The following FAT4 variants were observed in gnomAD, a reference collection of about 807,000 sequenced individuals.
The protein encoded by FAT4 is FAT atypical cadherin 4, also known as protocadherin Fat 4.
Under a neutral mutation model 303.9 loss-of-function variants are expected in FAT4, and 84 were observed. That is an observed-to-expected ratio of 0.28 (90% confidence interval 0.23 to 0.33). The LOEUF (loss-of-function observed/expected upper bound fraction) is 0.33, where lower values mean the gene tolerates loss of function less well. Among genes scored for constraint, FAT4 ranks in the 10% least tolerant of loss-of-function variants. The pLI, the probability that FAT4 is intolerant of heterozygous loss-of-function variation, is 1.00. For missense variants in FAT4, 6,005 were observed against 6,146.8 expected (o/e 0.98, Z 0.77); for synonymous variants, 2,307 against 2,298.8 (o/e 1.00, Z -0.10).
At chr4:125,470,994 T>C (rs1367555895) in intron 12 of FAT4, among the ~76,000 whole-genome samples, 1 of 152,208 alleles carries the variant, frequency 6.6e-6, no homozygotes, top group Non-Finnish European at 1.5e-5. Flanking sequence ...TCCTTTCACT[T>C]GAGCACTTAG....
chr4:125,479,360 A>G (rs1727142830), intron 14 of FAT4, among the ~76,000 whole-genome samples: 1 of 152,178 alleles, frequency 6.6e-6, no homozygotes, highest in Non-Finnish European at 1.5e-5. Flanking sequence ...TATGGTAGGC[A>G]TTCAATAAAC....
At chr4:125,351,523 G>C (rs1732224941) in intron 2 of FAT4, among the ~76,000 whole-genome samples, 1 of 151,662 alleles carries the variant, frequency 6.6e-6, no homozygotes, top group Non-Finnish European at 1.5e-5. Flanking sequence ...CAGCCTGTCT[G>C]CAAAACTGAG....
At chr4:125,332,918 G>A (rs1322487432) in intron 2 of FAT4, among the ~76,000 whole-genome samples, 1 of 151,804 alleles carries the variant, frequency 6.6e-6, no homozygotes, top group Non-Finnish European at 1.5e-5. Context: ...CAAAGAAGAT[G>A]GGCTTTCTTC....
intron 2 of FAT4, among the ~76,000 whole-genome samples, chr4:125,372,424 A>C (rs1475429121): frequency 6.6e-6 from 1 of 151,724 alleles, no homozygotes; most frequent in African/African-American, 2.4e-5. Flanking sequence ...CACTAATAAC[A>C]AAAAAAATAG....
In FAT4 at chr4:125,317,355, C is replaced by G. The variant is rs772248214; in HGVS notation, c.944C>G (p.Ala315Gly). 1.2e-6 allele frequency: 2 copies of G among 1,612,794 alleles called. No individual in the cohort carries two copies. Among genetic ancestry groups the G allele is most frequent in the Non-Finnish European group, 1.7e-6 (2 of 1,179,664 alleles). Residue 315 changes from alanine (A) to glycine (G), a missense_variant, in exon 2 of 18, where the codon GCT (alanine) becomes GGT (glycine). Coordinates refer to ENST00000394329, the MANE Select transcript of FAT4 (RefSeq NM_001291303.3). The surrounding 1 kb of genome is among the most constrained non-coding windows in gnomAD (Gnocchi z 7.0). ...ITVREPLDFE[A>G]RRQYSLTVQA... ...GTGCGGGAGCCCCTGGACTTCGAAG[C>G]TCGGCGCCAATACTCGCTTACGGTG...
At position 125,446,394 on chromosome 4, in the gene FAT4, C is replaced by A; in HGVS notation, c.7301C>A (p.Thr2434Asn). 1 of 1,613,450 alleles carries A rather than the reference C, an allele frequency of 6.2e-7. No homozygotes were observed. The highest frequency in any genetic ancestry group is 8.5e-7 in the Non-Finnish European group (1 of 1,179,544). The change falls in exon 9 of 18, where the codon ACT becomes AAT. Residue 2434 changes from threonine (T) to asparagine (N), a missense_variant. Thr to Asn is a moderately conservative substitution (Grantham distance 65). Coordinates refer to ENST00000394329, the MANE Select transcript of FAT4 (RefSeq NM_001291303.3). ...GATAGGGAAACAAAAGATAATTATA[C>A]TTTGGTAGTGGTCTGCAGTGATGCG... is the stretch of plus-strand genomic sequence containing the variant. ...LLDRETKDNY[T>N]LVVVCSDAGS...
intron 2 of FAT4, among the ~76,000 whole-genome samples, chr4:125,374,132 G>A (rs929461146): frequency 2.6e-5 from 4 of 152,190 alleles, no homozygotes; most frequent in East Asian, 1.9e-4. Context: ...ACAGTCTGCC[G>A]GTTCTAAAGT....
chr4:125,356,537 G>GTTTTTT (rs1432744389), intron 2 of FAT4, among the ~76,000 whole-genome samples: 1 of 118,730 alleles, frequency 8.4e-6, no homozygotes, highest in African/African-American at 3.1e-5. Context: ...GATATAGGGT[G>GTTTTTT]TTTTGTTTTT....
rs201264765 is a variant in FAT4 at position 125,320,053 on chromosome 4, T to C, written c.3642T>C (p.Phe1214=). Residue 1214 remains phenylalanine, a synonymous_variant, in exon 2 of 18, where the codon TTT becomes TTC. Coordinates refer to ENST00000394329, the MANE Select transcript of FAT4 (RefSeq NM_001291303.3). The part of the protein sequence containing the change: ...NDNAPKFLKD[F]YQATISESAA... ...ATGCTCCCAAATTTTTAAAAGACTT[T>C]TACCAAGCTACAATATCAGAATCAG... 1.9e-6 allele frequency: 3 copies of C among 1,613,826 alleles called. No individual in the cohort carries two copies. Among genetic ancestry groups the C allele is most frequent in the Admixed American group, 3.3e-5 (2 of 60,020 alleles).
chr4:125,324,398 G>A (rs2125949672), intron 2 of FAT4, among the ~76,000 whole-genome samples: 1 of 152,244 alleles, frequency 6.6e-6, no homozygotes, highest in African/African-American at 2.4e-5. Context: ...CTGATGTATA[G>A]TAGGTGCTCC....
chr4:125,363,485 C>CT (rs942939531), intron 2 of FAT4, among the ~76,000 whole-genome samples: 22 of 151,090 alleles, frequency 1.5e-4, no homozygotes, highest in South Asian at 2.1e-4. Context: ...ATCAATATAG[C>CT]TTTTTTTTAA....
At chr4:125,439,376 A>G (rs1185250218) in intron 8 of FAT4, among the ~76,000 whole-genome samples, 1 of 148,724 alleles carries the variant, frequency 6.7e-6, no homozygotes, top group Non-Finnish European at 1.5e-5. Flanking sequence ...TCTGTCACCC[A>G]GGCTGGCGTG....
chr4:125,468,381 T>C (rs1726739963), intron 11 of FAT4, 131 bp from the exon 12 acceptor site: 1 of 542,260 alleles, frequency 1.8e-6, no homozygotes, highest in South Asian at 5.5e-5. Context: ...TTAGTTTAGA[T>C]GAAATTTTTT....
At chr4:125,476,783 T>C (rs1031318178) in intron 13 of FAT4, among the ~76,000 whole-genome samples, 3 of 152,154 alleles carry the variant, frequency 2.0e-5, no homozygotes, top group African/African-American at 7.2e-5. Context: ...ATCAACTTAC[T>C]GATATTCTTT....
intron 2 of FAT4, among the ~76,000 whole-genome samples, chr4:125,378,148 C>T (rs1733404787): frequency 2.0e-5 from 3 of 152,100 alleles, no homozygotes; most frequent in Admixed American, 6.5e-5. Flanking sequence ...TATGTATGTA[C>T]CAAGTTAGAC....
In FAT4 at chr4:125,316,507, A is replaced by T. The variant is rs1433694939; in HGVS notation, c.96A>T (p.Ser32=). ...SQLLRVFWLL[S]LLPGQAWVHG... ...TCCTTCGAGTGTTTTGGCTACTGTC[A>T]TTGCTTCCGGGGCAGGCCTGGGTCC... The change falls in exon 2 of 18, where the codon TCA becomes TCT. Residue 32 remains serine (S), a synonymous_variant. Transcript: ENST00000394329. This position sits in a 1 kb window ranked among gnomAD's most constrained non-coding sequence, Gnocchi z 5.7. 1.2e-6 allele frequency: 2 copies of T among 1,613,784 alleles called. No individual in the cohort carries two copies. The highest frequency in any genetic ancestry group is 1.1e-5 in the South Asian group (1 of 91,068).
At chr4:125,469,105 CCTAAGTATTTCTGCCTTGA>C (rs1447458538) in intron 12 of FAT4, among the ~76,000 whole-genome samples, 8 of 152,142 alleles carry the variant, frequency 5.3e-5, no homozygotes, top group Non-Finnish European at 7.3e-5. Flanking sequence ...ACCTTTCTTT[CCTAAGTATTTCTGCCTTGA>C]CTAAGTATTT....
chr4:125,479,913 A>G, intron 15 of FAT4, 48 bp downstream of exon 15: 1 of 1,441,270 alleles, frequency 6.9e-7, no homozygotes. Context: ...TAACTATGAA[A>G]AGTAAAATAT....
chr4:125,318,778 C>T lies in FAT4; in HGVS notation c.2367C>T (p.Asn789=). 1 of 1,614,140 alleles carries T rather than the reference C, an allele frequency of 6.2e-7. No individual in the cohort carries two copies. The highest frequency in any genetic ancestry group is 8.5e-7 in the Non-Finnish European group (1 of 1,180,016). ...VTITVLDTQD[N]PPVFSQVAYS... ...TCACTGTATTGGACACTCAAGACAA[C>T]CCACCTGTATTCAGTCAGGTTGCCT... is the stretch of plus-strand genomic sequence containing the variant. The change falls in exon 2 of 18, where the codon AAC becomes AAT. Residue 789 remains asparagine, a synonymous_variant. Coordinates refer to ENST00000394329, the MANE Select transcript of FAT4 (RefSeq NM_001291303.3).
Sources: gnomAD v4.1 joint callset for allele counts (sites outside exome capture counted in the v4.1 genomes callset) on GRCh38, gnomAD v4.1.1 for gene constraint, Gnocchi (gnomAD v3.1) non-coding constraint, MANE v1.5 for transcripts, NCBI Gene and HGNC (gene_info 2026-07-23, HGNC 2026-07-21) for gene names.